The following FBLN1 variants were observed in gnomAD, a reference collection of about 807,000 sequenced individuals.
The protein encoded by FBLN1 is fibulin 1.
A neutral mutation model predicts 89.7 loss-of-function variants in FBLN1; 34 were observed. The ratio of observed to expected loss-of-function variants is 0.38; its 90% CI spans 0.29 to 0.50. FBLN1 has a LOEUF of 0.50. Among genes scored for constraint, FBLN1 ranks in the 20% least tolerant of loss-of-function variants. FBLN1 has a pLI of 0.92. For missense variants in FBLN1, 777 were observed against 988.1 expected (o/e 0.79, Z 2.86); for synonymous variants, 393 against 391.3 (o/e 1.00, Z -0.05).
intron 3 of FBLN1, among the ~76,000 whole-genome samples, chr22:45,525,967 G>A (rs755899821): frequency 6.6e-6 from 1 of 152,244 alleles, no homozygotes; most frequent in African/African-American, 2.4e-5. Context: ...GCATTGGGCA[G>A]ATGCAGAAGT....
Position 45,504,218 on chromosome 22 carries a change from TG to T in FBLN1, c.79+1156del, listed in dbSNP as rs1339364956. 8.5e-5 allele frequency among the ~76,000 whole-genome samples: 4 copies of T among 46,834 alleles called. No homozygotes were observed. In the Admixed American group the frequency reaches 1.0e-3, roughly 12 times the overall value. The allele number at this position is 46,834 out of a possible 152,430, so 30.7% of individuals were successfully genotyped here. The stretch of plus-strand genomic sequence containing the variant: ...TTCCAGGAAGGGGGCTGAAGGGGGC[TG>T]GAGGGGGAGGGGAGGCTGGGAGCTG... On this transcript the variant is annotated intron_variant, in intron 1 of 16. Coordinates refer to ENST00000327858, the MANE Select transcript of FBLN1 (RefSeq NM_006486.3).
intron 1 of FBLN1, among the ~76,000 whole-genome samples, chr22:45,514,043 G>C (rs1447211720): frequency 6.6e-6 from 1 of 151,852 alleles, no homozygotes; most frequent in East Asian, 1.9e-4. Flanking sequence ...CGCCCACCTC[G>C]ACCTGCTGGG....
At chr22:45,519,494 T>G (rs1375455133) in intron 2 of FBLN1, among the ~76,000 whole-genome samples, 4 of 151,598 alleles carry the variant, frequency 2.6e-5, no homozygotes, top group South Asian at 2.1e-4. Context: ...CGTGGTGGCA[T>G]GCGCCTGTAA....
rs1490006736 is a variant in FBLN1, at chr22:45,581,576, A to T, written c.1972+4468A>T. Among the ~76,000 whole-genome samples, 1 of 152,164 alleles carries T rather than the reference A, an allele frequency of 6.6e-6. No individual in the cohort carries two copies. Among genetic ancestry groups the T allele is most frequent in the Non-Finnish European group, 1.5e-5 (1 of 68,030 alleles). ...TGCAGGTGAAGTAATTCTTTGGCCT[A>T]CGGACGAATTTTGCATGTGGACCTC... On this transcript the variant is annotated intron_variant, in intron 16 of 16. Transcript: ENST00000327858. This position sits in a 1 kb window ranked among gnomAD's most constrained non-coding sequence, Gnocchi z 7.6.
At chr22:45,524,813 G>A (rs1378805212) in intron 2 of FBLN1, among the ~76,000 whole-genome samples, 53 of 152,246 alleles carry the variant, frequency 3.5e-4, no homozygotes, top group Non-Finnish European at 1.5e-5. Context: ...GGCCAGGCAT[G>A]GTAGCTCACG....
intron 16 of FBLN1, among the ~76,000 whole-genome samples, chr22:45,594,925 T>G (rs9626398): frequency 0.31 from 46,485 of 151,156 alleles, 9,989 homozygotes; most frequent in African/African-American, 0.61. Context: ...TGGATGGTTA[T>G]GAAGCTATGA....
rs2088852064 is a variant in FBLN1, at chr22:45,561,688, T to C, written c.1697+11073T>C. On this transcript the variant is annotated intron_variant, in intron 14 of 16. Coordinates refer to ENST00000327858, the MANE Select transcript of FBLN1 (RefSeq NM_006486.3). This position sits in a 1 kb window ranked among gnomAD's most constrained non-coding sequence, Gnocchi z 4.7. ...CCACTCCTGGTACCAAAATCTGTAGTAGTTAGGGTTCTCTAGAGGGACAGA... is the reference window on the plus strand; with the variant it reads ...CCACTCCTGGTACCAAAATCTGTAGCAGTTAGGGTTCTCTAGAGGGACAGA... Among the ~76,000 whole-genome samples the C allele has an allele frequency of 6.6e-6, 1 of 152,190 alleles. No homozygotes were observed. The highest frequency in any genetic ancestry group is 2.1e-4 in the South Asian group (1 of 4,828).
rs1006056348 is a variant in FBLN1, at chr22:45,578,428, T to C, written c.1972+1320T>C. The C allele has an allele frequency of 6.6e-6, 1 of 152,230 alleles. No homozygotes were observed. The highest frequency in any genetic ancestry group is 6.5e-5 in the Admixed American group (1 of 15,288). 9.4% of individuals were successfully genotyped at this position (152,230 alleles called of 1,614,324 possible). On this transcript the variant is annotated intron_variant, in intron 16 of 16. Coordinates refer to ENST00000327858, the MANE Select transcript of FBLN1 (RefSeq NM_006486.3). This position sits in a 1 kb window ranked among gnomAD's most constrained non-coding sequence, Gnocchi z 4.6. Reference sequence around the variant, plus strand: ...ATAATTAGTTAATTACAATTAATGGTGCATTAGCCCTCGCGTGATTCCAAG... The same window carrying C: ...ATAATTAGTTAATTACAATTAATGGCGCATTAGCCCTCGCGTGATTCCAAG...
In FBLN1 at chr22:45,556,806, C is replaced by G. The variant is rs898366509; in HGVS notation, c.1697+6191C>G. ...CTGTCTCCTGGTGGCGGCGTTCCTC[C>G]CTCTGGAACTAAGACCTCTAGGCCA... On this transcript the variant is annotated intron_variant, in intron 14 of 16. Coordinates refer to ENST00000327858, the MANE Select transcript of FBLN1 (RefSeq NM_006486.3). This position sits in a 1 kb window ranked among gnomAD's most constrained non-coding sequence, Gnocchi z 4.6. Among the ~76,000 whole-genome samples, 21 of 152,070 alleles carry G rather than the reference C, an allele frequency of 1.4e-4. No individual in the cohort carries two copies. Among genetic ancestry groups the G allele is most frequent in the Admixed American group, 9.2e-4 (14 of 15,278 alleles).
chr22:45,547,213 G>GCC lies in FBLN1; in HGVS notation c.1441+12_1441+13dup. Reference sequence around the variant, plus strand: ...TGGAGTCACCTGTGAAGGTGCGGACGCCCCTGCCTGCTGAGGGGGAAAGCA... The same window carrying GCC: ...TGGAGTCACCTGTGAAGGTGCGGACGCCCCCCTGCCTGCTGAGGGGGAAAGCA... On this transcript the variant is annotated intron_variant, in intron 12 of 16. Transcript: ENST00000327858. 1 of 1,613,250 alleles carries GCC rather than the reference G, an allele frequency of 6.2e-7. No individual in the cohort carries two copies. The highest frequency in any genetic ancestry group is 8.5e-7 in the Non-Finnish European group (1 of 1,179,904).
chr22:45,592,358 G>A (rs532052937), intron 16 of FBLN1, among the ~76,000 whole-genome samples: 2 of 152,154 alleles, frequency 1.3e-5, no homozygotes, highest in East Asian at 1.9e-4. Context: ...ACAGAGTCTC[G>A]CTCAGTCACC....
chr22:45,591,602 C>T (rs1226684927), intron 16 of FBLN1, among the ~76,000 whole-genome samples: 1 of 152,190 alleles, frequency 6.6e-6, no homozygotes, highest in Non-Finnish European at 1.5e-5. Context: ...AGCCCAGACA[C>T]CTGTCCCCCT....
chr22:45,568,559 C>A (rs1414263372), intron 14 of FBLN1, among the ~76,000 whole-genome samples: 2,474 of 83,980 alleles, frequency 0.029, 839 homozygotes, highest in African/African-American at 0.081. Context: ...TTCTGTAGGG[C>A]ATGCTCCTTC....
intron 6 of FBLN1, 125 bp downstream of exon 6, chr22:45,533,289 C>T (rs1436587201): frequency 3.9e-5 from 34 of 879,358 alleles, no homozygotes; most frequent in Non-Finnish European, 6.0e-5. Context: ...GAGAGCAGCC[C>T]AGGACGCGCT....
chr22:45,547,235 A>G lies in FBLN1; in HGVS notation c.1441+31A>G, dbSNP rs116684373. 884 of 1,611,736 alleles carry G rather than the reference A, an allele frequency of 5.5e-4. 2 individuals carry two copies. In the African/African-American group the frequency reaches 0.01, roughly 18 times the overall value. Reference sequence around the variant, plus strand: ...GACGCCCCTGCCTGCTGAGGGGGAAAGCACCCCCTGGTCTTGCCATGACAC... The same window carrying G: ...GACGCCCCTGCCTGCTGAGGGGGAAGGCACCCCCTGGTCTTGCCATGACAC... On this transcript the variant is annotated intron_variant, in intron 12 of 16. Transcript: ENST00000327858.
At position 45,547,179 on chromosome 22, in the gene FBLN1, C is replaced by T. The variant is rs772457843; in HGVS notation, c.1416C>T (p.Ser472=). 14 of 1,613,914 alleles carry T rather than the reference C, an allele frequency of 8.7e-6. No individual in the cohort carries two copies. Among genetic ancestry groups the T allele is most frequent in the Admixed American group, 5.0e-5 (3 of 59,998 alleles). Residue 472 remains serine, a synonymous_variant, in exon 12 of 17, where the codon AGC becomes AGT. Transcript: ENST00000327858. ...QCYCRRGYQL[S]DVDGVTCEDI... is the part of the protein sequence containing the mutation. Reference sequence around the variant, plus strand: ...ACTGCCGGCGAGGCTACCAGCTCAGCGATGTGGATGGAGTCACCTGTGAAG... The same window carrying T: ...ACTGCCGGCGAGGCTACCAGCTCAGTGATGTGGATGGAGTCACCTGTGAAG...
chr22:45,559,874 T>C (rs187520475), intron 14 of FBLN1, among the ~76,000 whole-genome samples: 2 of 152,268 alleles, frequency 1.3e-5, no homozygotes, highest in African/African-American at 2.4e-5. Flanking sequence ...TGTAGTGGGG[T>C]CCTTCCTCAA....
At chr22:45,539,310 C>T (rs1048561014) in intron 8 of FBLN1, among the ~76,000 whole-genome samples, 2 of 149,866 alleles carry the variant, frequency 1.3e-5, no homozygotes, top group South Asian at 2.1e-4. Context: ...AAGCAGTTCT[C>T]CTGTCTCAGC....
intron 6 of FBLN1, 100 bp downstream of exon 6, chr22:45,533,264 C>A: frequency 8.9e-7 from 1 of 1,124,444 alleles, no homozygotes; most frequent in Non-Finnish European, 1.3e-6. Context: ...ACAACCCAGA[C>A]CCCATTCAGG....
Sources: gnomAD v4.1 joint callset for allele counts (sites outside exome capture counted in the v4.1 genomes callset) on GRCh38, gnomAD v4.1.1 for gene constraint, Gnocchi (gnomAD v3.1) non-coding constraint, MANE v1.5 for transcripts, NCBI Gene and HGNC (gene_info 2026-07-23, HGNC 2026-07-21) for gene names.